LRRFIP1: variants seen among roughly 807,000 people sequenced by gnomAD.
LRRFIP1 encodes the protein LRR binding FLII interacting protein 1, also known as leucine-rich repeat flightless-interacting protein 1.
In LRRFIP1, 62 loss-of-function variants were observed where a neutral mutation model predicts 104.4. That is an observed-to-expected ratio of 0.59 (90% confidence interval 0.48 to 0.73). The LOEUF is 0.73. Ranked by LOEUF, LRRFIP1 falls within the 30% of genes least tolerant of loss-of-function variation. The pLI is 0.00. For missense variants in LRRFIP1, 796 were observed against 824.5 expected, an observed-to-expected ratio of 0.97 and a Z score of 0.42; for synonymous variants, 300 against 299.0, an observed-to-expected ratio of 1.00 and a Z score of -0.03.
chr2:237,744,943 C>T (rs2057621239), intron 11 of LRRFIP1, among the ~76,000 whole-genome samples: 2 of 152,202 alleles, frequency 1.3e-5, no homozygotes. Flanking sequence ...CCCCTCTCTG[C>T]ACCATGCCCA....
intron 19 of LRRFIP1, chr2:237,763,407 C>T (rs770429978): frequency 7.4e-6 from 12 of 1,613,658 alleles, no homozygotes; most frequent in East Asian, 2.2e-5. Flanking sequence ...TTGGACTCAT[C>T]GCAGAAGAAG....
At chr2:237,702,213 A>G (rs868007734) in intron 1 of LRRFIP1, among the ~76,000 whole-genome samples, 9 of 152,176 alleles carry the variant, frequency 5.9e-5, no homozygotes, top group Non-Finnish European at 1.0e-4. Context: ...ATATTCACAT[A>G]TGGTAAAATA....
At chr2:237,688,777 G>A (rs191571620) in intron 1 of LRRFIP1, among the ~76,000 whole-genome samples, 22 of 151,936 alleles carry the variant, frequency 1.4e-4, no homozygotes, top group Admixed American at 1.0e-3. Context: ...ACCCTCTTCC[G>A]AGGAAACCCC....
At chr2:237,725,137 T>C (rs76457427) in intron 7 of LRRFIP1, among the ~76,000 whole-genome samples, 2,018 of 152,352 alleles carry the variant, frequency 0.013, 25 homozygotes, top group African/African-American at 0.044. Flanking sequence ...TACTAACTTA[T>C]GTGTGTCCTC....
intron 10 of LRRFIP1, among the ~76,000 whole-genome samples, chr2:237,737,610 A>G (rs3769074): frequency 0.086 from 13,054 of 152,250 alleles, 1,154 homozygotes; most frequent in African/African-American, 0.23. Flanking sequence ...CATGAATGGC[A>G]TAGGATGGAG....
Position 237,755,777 on chromosome 2 carries a change from T to C in LRRFIP1, c.1039-318T>C, listed in dbSNP as rs538956106. 4.1e-4 allele frequency among the ~76,000 whole-genome samples: 62 copies of C among 152,050 alleles called. 1 individual carries two copies. In the South Asian group the frequency reaches 0.012, roughly 31 times the overall value. The stretch of plus-strand genomic sequence containing the variant: ...GGTGAAACCCGATCTCTACCAAAAA[T>C]AGAAAAATTAGCCGGGCATGGAGGC... On this transcript the variant is annotated intron_variant, in intron 15 of 23. Coordinates refer to ENST00000308482, the MANE Select transcript of LRRFIP1 (RefSeq NM_001137550.2).
chr2:237,671,090 A>G (rs1380214155), intron 1 of LRRFIP1, among the ~76,000 whole-genome samples: 2 of 152,194 alleles, frequency 1.3e-5, no homozygotes, highest in Non-Finnish European at 1.5e-5. Flanking sequence ...GGCCTGTTGC[A>G]TATGAAGAGT....
chr2:237,718,566 T>G (rs2094428696), intron 4 of LRRFIP1, among the ~76,000 whole-genome samples: 4 of 152,188 alleles, frequency 2.6e-5, no homozygotes, highest in African/African-American at 9.6e-5. Context: ...GGCCTGGCCC[T>G]TCTCGTTAGT....
rs1237813637 is a variant in LRRFIP1 at position 237,691,092 on chromosome 2, G to A, written c.97-17452G>A. ...CGGGAAGGTGAGTGCTCACAGGCGC[G>A]AGCTCACGTTACCAAGTTGGGTCAG... On this transcript the variant is annotated intron_variant, in intron 1 of 23. Coordinates refer to ENST00000308482, the MANE Select transcript of LRRFIP1 (RefSeq NM_001137550.2). The surrounding 1 kb of genome is among the most constrained non-coding windows in gnomAD (Gnocchi z 5.4). 2.0e-5 allele frequency among the ~76,000 whole-genome samples: 3 copies of A among 151,602 alleles called. No homozygotes were observed. Among genetic ancestry groups the A allele is most frequent in the African/African-American group, 7.3e-5 (3 of 40,908 alleles).
intron 19 of LRRFIP1, chr2:237,762,521 T>A (rs555151280): frequency 2.7e-6 from 3 of 1,124,658 alleles, no homozygotes; most frequent in South Asian, 1.6e-5. Context: ...GGGTGGGATT[T>A]GGAACGTGTG....
chr2:237,642,040 T>G (rs1159939182), intron 1 of LRRFIP1, among the ~76,000 whole-genome samples: 2 of 152,124 alleles, frequency 1.3e-5, no homozygotes, highest in African/African-American at 2.4e-5. Context: ...GAGTGTGGTG[T>G]AGAGGGTCAG....
rs1346784207 is a variant in LRRFIP1, at chr2:237,711,120, A to G, written c.183+2490A>G. Among the ~76,000 whole-genome samples the G allele has an allele frequency of 6.6e-6, 1 of 152,190 alleles. No homozygotes were observed. The highest frequency in any genetic ancestry group is 1.9e-4 in the East Asian group (1 of 5,196). On this transcript the variant is annotated intron_variant, in intron 2 of 23. Transcript: ENST00000308482. The surrounding 1 kb of genome is among the most constrained non-coding windows in gnomAD (Gnocchi z 4.4). ...AAAGTAGTTGCTACTCCAGATGGGA[A>G]ACCAAGTCTTGGGCATTTAATTTTA... is the stretch of plus-strand genomic sequence containing the variant.
chr2:237,745,039 AG>A (rs2057641124), intron 11 of LRRFIP1, among the ~76,000 whole-genome samples: 1 of 152,232 alleles, frequency 6.6e-6, no homozygotes, highest in Non-Finnish European at 1.5e-5. Flanking sequence ...TCATCATTTT[AG>A]GGAGGAAGTG....
At chr2:237,679,850 C>T (rs1428850552) in intron 1 of LRRFIP1, among the ~76,000 whole-genome samples, 1 of 152,168 alleles carries the variant, frequency 6.6e-6, no homozygotes, top group Non-Finnish European at 1.5e-5. Flanking sequence ...TCGGGTGATC[C>T]ACCCGCCTCG....
rs1192435408 is a variant in LRRFIP1 at position 237,781,563 on chromosome 2, C to T, written c.*2031C>T. Among the ~76,000 whole-genome samples the T allele has an allele frequency of 6.6e-6, 1 of 152,246 alleles. No individual in the cohort carries two copies. Among genetic ancestry groups the T allele is most frequent in the East Asian group, 1.9e-4 (1 of 5,202 alleles). On this transcript the variant is annotated 3_prime_UTR_variant, in exon 24 of 24. Coordinates refer to ENST00000308482, the MANE Select transcript of LRRFIP1 (RefSeq NM_001137550.2). Reference sequence around the variant, plus strand: ...TTTTGGAAACAGCAAACCAATGTTACACACACTTCCTAATCCAGAGGAAGC... The same window carrying T: ...TTTTGGAAACAGCAAACCAATGTTATACACACTTCCTAATCCAGAGGAAGC...
rs2094367359 is a variant in LRRFIP1, at chr2:237,717,158, G to T, written c.202-604G>T. ...ACCTCCAGACATACATAACTTGTGG[G>T]TCTGCATATTTTTCTTCTGTACAAA... On this transcript the variant is annotated intron_variant, in intron 3 of 23. Transcript: ENST00000308482. The surrounding 1 kb of genome is among the most constrained non-coding windows in gnomAD (Gnocchi z 4.2). 6.6e-6 allele frequency among the ~76,000 whole-genome samples: 1 copy of T among 152,130 alleles called. No homozygotes were observed. The highest frequency in any genetic ancestry group is 1.5e-5 in the Non-Finnish European group (1 of 68,026).
chr2:237,689,305 C>A (rs935960373), intron 1 of LRRFIP1, among the ~76,000 whole-genome samples: 11 of 152,298 alleles, frequency 7.2e-5, no homozygotes, highest in Admixed American at 3.9e-4. Context: ...TAGCATTCAA[C>A]TTACAGTATA....
intron 11 of LRRFIP1, among the ~76,000 whole-genome samples, chr2:237,740,200 G>A (rs2095371896): frequency 6.6e-6 from 1 of 151,676 alleles, no homozygotes. Context: ...GAAGCCAGGA[G>A]TTGGAGATCA....
At chr2:237,724,152 G>A (rs537899038) in intron 7 of LRRFIP1, among the ~76,000 whole-genome samples, 11 of 149,028 alleles carry the variant, frequency 7.4e-5, no homozygotes, top group Admixed American at 2.0e-4. Flanking sequence ...CTTCTTATAT[G>A]TCTCTGACAG....
Sources: allele counts gnomAD v4.1 joint callset (sites outside exome capture counted in the v4.1 genomes callset), GRCh38; gene constraint gnomAD v4.1.1; non-coding constraint Gnocchi (gnomAD v3.1); transcripts MANE v1.5; gene names NCBI Gene and HGNC (gene_info 2026-07-23, HGNC 2026-07-21).